The following CCBE1 variants were observed in gnomAD, a reference collection of about 807,000 sequenced individuals.
CCBE1 encodes the protein collagen and calcium binding EGF domains 1.
CCBE1 carries 37 observed loss-of-function variants against 50.0 expected under a neutral mutation model. The ratio of observed to expected loss-of-function variants is 0.74; its 90% CI spans 0.57 to 0.97. The LOEUF is 0.97. Ranked by LOEUF, CCBE1 falls within the 50% of genes least tolerant of loss-of-function variation. The pLI is 0.00. For missense variants in CCBE1, 538 were observed against 523.8 expected, an observed-to-expected ratio of 1.03 and a Z score of -0.26; for synonymous variants, 234 against 203.7, an observed-to-expected ratio of 1.15 and a Z score of -1.27.
At chr18:59,612,341 A>C (rs1296918799) in intron 2 of CCBE1, among the ~76,000 whole-genome samples, 2 of 139,110 alleles carry the variant, frequency 1.4e-5, no homozygotes, top group Non-Finnish European at 3.0e-5. Flanking sequence ...AAAAAAAAAA[A>C]AACAAACAAT....
At chr18:59,541,343 C>T (rs1915457488) in intron 2 of CCBE1, among the ~76,000 whole-genome samples, 1 of 152,126 alleles carries the variant, frequency 6.6e-6, no homozygotes, top group Non-Finnish European at 1.5e-5. Context: ...ATTTCAACAC[C>T]ATATGTCAGG....
intron 2 of CCBE1, among the ~76,000 whole-genome samples, chr18:59,583,705 G>T (rs754636719): frequency 1.3e-5 from 2 of 150,228 alleles, no homozygotes; most frequent in African/African-American, 2.4e-5. Flanking sequence ...GCGCGCGTGT[G>T]TGTGTATGTC....
chr18:59,463,746 G>A (rs1452127151), intron 5 of CCBE1, among the ~76,000 whole-genome samples: 1 of 152,174 alleles, frequency 6.6e-6, no homozygotes, highest in Non-Finnish European at 1.5e-5. Context: ...TGCGTTTGTT[G>A]CTGGGGTTCC....
At chr18:59,646,492 T>C (rs535686010) in intron 2 of CCBE1, among the ~76,000 whole-genome samples, 26 of 152,182 alleles carry the variant, frequency 1.7e-4, no homozygotes, top group Non-Finnish European at 2.6e-4. Flanking sequence ...GAGAGACGGA[T>C]GAGGGTCTTG....
chr18:59,571,157 A>G (rs749508041), intron 2 of CCBE1, among the ~76,000 whole-genome samples: 12 of 152,210 alleles, frequency 7.9e-5, no homozygotes, highest in Non-Finnish European at 1.2e-4. Flanking sequence ...TCATCTTGCT[A>G]ATGACATCAG....
chr18:59,461,381 A>C (rs2143698603), intron 5 of CCBE1, among the ~76,000 whole-genome samples: 1 of 150,124 alleles, frequency 6.7e-6, no homozygotes, highest in Non-Finnish European at 1.5e-5. Context: ...TCATGACTTT[A>C]ATGTTCAGGG....
At chr18:59,487,186 A>AT (rs1250074037) in intron 2 of CCBE1, among the ~76,000 whole-genome samples, 5 of 150,472 alleles carry the variant, frequency 3.3e-5, no homozygotes, top group Non-Finnish European at 7.4e-5. Context: ...CTTCCGAGAC[A>AT]TAAAAACTGG....
At chr18:59,576,165 C>G (rs182309491) in intron 2 of CCBE1, among the ~76,000 whole-genome samples, 2 of 152,148 alleles carry the variant, frequency 1.3e-5, no homozygotes, top group African/African-American at 4.8e-5. Flanking sequence ...CACAACAGCA[C>G]GCATGAAAGG....
intron 2 of CCBE1, among the ~76,000 whole-genome samples, chr18:59,661,045 C>T (rs1357532514): frequency 6.6e-6 from 1 of 151,578 alleles, no homozygotes; most frequent in Non-Finnish European, 1.5e-5. Flanking sequence ...TTTTTTCTCC[C>T]CTTGGCCAAC....
chr18:59,616,778 T>C (rs1377130648), intron 2 of CCBE1, among the ~76,000 whole-genome samples: 2 of 152,236 alleles, frequency 1.3e-5, no homozygotes, highest in African/African-American at 4.8e-5. Flanking sequence ...TTTCACACAA[T>C]GGCCGCAATG....
At chr18:59,537,550 A>G (rs1159327304) in intron 2 of CCBE1, among the ~76,000 whole-genome samples, 4 of 152,106 alleles carry the variant, frequency 2.6e-5, no homozygotes, top group Non-Finnish European at 5.9e-5. Flanking sequence ...GCCTTCCACC[A>G]TGATTGTGAG....
At chr18:59,459,684 T>A (rs1458991086) in intron 5 of CCBE1, among the ~76,000 whole-genome samples, 1 of 152,198 alleles carries the variant, frequency 6.6e-6, no homozygotes, top group Non-Finnish European at 1.5e-5. Context: ...TGGGCAGTGT[T>A]AGAAATGAAC....
chr18:59,501,319 G>A (rs1913611378), intron 2 of CCBE1, among the ~76,000 whole-genome samples: 1 of 152,186 alleles, frequency 6.6e-6, no homozygotes, highest in Non-Finnish European at 1.5e-5. Flanking sequence ...TGGCTTTAGA[G>A]GGGAAGCACC....
rs1341861015 is a variant in CCBE1 at position 59,684,593 on chromosome 18, G to A, written c.212+12036C>T. 2.6e-5 allele frequency among the ~76,000 whole-genome samples: 4 copies of A among 152,234 alleles called. 1 individual carries two copies. On this transcript the variant is annotated intron_variant, in intron 2 of 10. Transcript: ENST00000439986. Reference sequence around the variant, plus strand: ...CTCAAATTCAGAGATTCTTCATTAAGAGCCTCGGGGTACCTCTATACACAA... The same window carrying A: ...CTCAAATTCAGAGATTCTTCATTAAAAGCCTCGGGGTACCTCTATACACAA...
chr18:59,485,626 T>A lies in CCBE1; in HGVS notation c.213-5388A>T, dbSNP rs544116775. On this transcript the variant is annotated intron_variant, in intron 2 of 10. Transcript: ENST00000439986. ...TATTTATTTATTTATTTATTTATTT[T>A]TTGAGATGGAGCATTGCTCTGTTGC... 7.0e-4 allele frequency among the ~76,000 whole-genome samples: 45 copies of A among 64,724 alleles called. No homozygotes were observed. In the South Asian group the frequency reaches 0.019, roughly 28 times the overall value. The allele number at this position is 64,724 out of a possible 152,430, so 42.5% of individuals were successfully genotyped here. A position where few individuals can be genotyped will look rare whatever the true frequency, so the allele number is the denominator to read the frequency against.
chr18:59,492,264 G>A (rs1913146952), intron 2 of CCBE1, among the ~76,000 whole-genome samples: 1 of 150,680 alleles, frequency 6.6e-6, no homozygotes, highest in South Asian at 2.1e-4. Context: ...TCTGGTAGAA[G>A]CCCCAAATTA....
intron 2 of CCBE1, among the ~76,000 whole-genome samples, chr18:59,673,006 TA>T (rs145844496): frequency 4.3e-4 from 64 of 149,546 alleles, no homozygotes; most frequent in Admixed American, 6.0e-4. Context: ...CCTATGGAAA[TA>T]AAAAAAAAAT....
intron 2 of CCBE1, among the ~76,000 whole-genome samples, chr18:59,659,380 A>G (rs1319782761): frequency 6.6e-6 from 1 of 151,924 alleles, no homozygotes; most frequent in African/African-American, 2.4e-5. Flanking sequence ...GGCATCTTAC[A>G]TTGTTTTCAG....
At chr18:59,693,187 G>T (rs60629578) in intron 2 of CCBE1, among the ~76,000 whole-genome samples, 3,909 of 152,138 alleles carry the variant, frequency 0.026, 150 homozygotes, top group African/African-American at 0.088. Flanking sequence ...GAAGTCCCTT[G>T]CCCTCCTAAA....
Sources: gnomAD v4.1 joint callset for allele counts (sites outside exome capture counted in the v4.1 genomes callset) on GRCh38, gnomAD v4.1.1 for gene constraint, MANE v1.5 for transcripts, NCBI Gene and HGNC (gene_info 2026-07-23, HGNC 2026-07-21) for gene names.